The following NOX4 variants were observed in gnomAD, a reference collection of about 807,000 sequenced individuals.
The protein encoded by NOX4 is kidney oxidase-1.
NOX4 carries 69 observed loss-of-function variants against 87.6 expected under a neutral mutation model. The observed-to-expected ratio is 0.79, with a 90% CI of 0.65 to 0.96. NOX4 has a LOEUF of 0.96. NOX4 is among the 40% of genes least tolerant of loss of function. NOX4 has a pLI of 0.00. For missense variants in NOX4, 680 were observed against 681.5 expected, an observed-to-expected ratio of 1.00 and a Z score of 0.02; for synonymous variants, 275 against 238.2, an observed-to-expected ratio of 1.15 and a Z score of -1.42.
intron 13 of NOX4, among the ~76,000 whole-genome samples, chr11:89,353,164 A>G (rs902901433): frequency 1.3e-5 from 2 of 152,338 alleles, no homozygotes; most frequent in Non-Finnish European, 2.9e-5. Flanking sequence ...CTGAAATGAC[A>G]ATTTACTTGA....
rs573143532 is a variant in NOX4 at position 89,375,584 on chromosome 11, AG to A, written c.1075-2093del. The stretch of plus-strand genomic sequence containing the variant: ...CAACCTCCCAAACTGCTGAGATTAC[AG>A]GCATGAGCTACCACACCCAGCCCAC... On this transcript the variant is annotated intron_variant, in intron 11 of 17. Transcript: ENST00000263317. Among the ~76,000 whole-genome samples, 179 of 152,360 alleles carry A rather than the reference AG, an allele frequency of 1.2e-3. 1 individual carries two copies. Among genetic ancestry groups the A allele is most frequent in the African/African-American group, 3.8e-3 (160 of 41,586 alleles).
At chr11:89,444,466 AACAC>A (rs59319897) in intron 4 of NOX4, among the ~76,000 whole-genome samples, 16,360 of 146,936 alleles carry the variant, frequency 0.11, 1,094 homozygotes, top group Non-Finnish European at 0.17. Flanking sequence ...GGATAAGAGA[AACAC>A]ACACACACAC....
At chr11:89,551,852 G>C in the NOX4 span, among the ~76,000 whole-genome samples, 1 of 151,916 alleles carries the variant, frequency 6.6e-6, no homozygotes, top group Admixed American at 6.6e-5. Context: ...GTAAGAGAGG[G>C]CATCCTTGTC....
At chr11:89,435,702 A>G (rs1011318730) in intron 6 of NOX4, among the ~76,000 whole-genome samples, 1 of 152,144 alleles carries the variant, frequency 6.6e-6, no homozygotes, top group Non-Finnish European at 1.5e-5. Context: ...AGGATAAAAT[A>G]GAAGGGCCAG....
chr11:89,562,465 T>C, the NOX4 span, among the ~76,000 whole-genome samples: 1 of 151,986 alleles, frequency 6.6e-6, no homozygotes, highest in Non-Finnish European at 1.5e-5. Flanking sequence ...CTGATTCCGA[T>C]ATAAGTAACC....
chr11:89,556,208 A>G, the NOX4 span, among the ~76,000 whole-genome samples: 1 of 152,152 alleles, frequency 6.6e-6, no homozygotes, highest in African/African-American at 2.4e-5. Flanking sequence ...TGGGCAAATA[A>G]GTATAATCAC....
chr11:89,432,914 A>T, intron 6 of NOX4, 58 bp from the exon 7 acceptor site: 1 of 1,156,392 alleles, frequency 8.6e-7, no homozygotes. Context: ...AAAAATACAA[A>T]AAATGATTAT....
At chr11:89,354,552 A>ATC (rs1937854345) in intron 13 of NOX4, among the ~76,000 whole-genome samples, 1 of 152,206 alleles carries the variant, frequency 6.6e-6, no homozygotes. Flanking sequence ...CAAAAATCAT[A>ATC]TCTAGCCCAC....
intron 14 of NOX4, among the ~76,000 whole-genome samples, chr11:89,341,281 C>A (rs550029844): frequency 1.3e-5 from 2 of 151,684 alleles, no homozygotes; most frequent in Admixed American, 6.6e-5. Flanking sequence ...CAAAACCACG[C>A]CTGGTTGATT....
chr11:89,358,664 T>G (rs1938275912), intron 12 of NOX4, among the ~76,000 whole-genome samples: 1 of 151,668 alleles, frequency 6.6e-6, no homozygotes, highest in Non-Finnish European at 1.5e-5. Context: ...TTCTTTAGTC[T>G]CACAGATTTT....
At chr11:89,364,872 G>A (rs1447456326) in intron 12 of NOX4, among the ~76,000 whole-genome samples, 2 of 152,014 alleles carry the variant, frequency 1.3e-5, no homozygotes, top group Non-Finnish European at 2.9e-5. Context: ...CTGTAGACAA[G>A]GAAACTAAAA....
chr11:89,450,364 A>G (rs1175390503), intron 3 of NOX4, among the ~76,000 whole-genome samples: 1 of 152,006 alleles, frequency 6.6e-6, no homozygotes, highest in Non-Finnish European at 1.5e-5. Context: ...CAAGTTAACA[A>G]CTCCTTTTAA....
At chr11:89,533,249 A>G in the NOX4 span, among the ~76,000 whole-genome samples, 2 of 152,314 alleles carry the variant, frequency 1.3e-5, no homozygotes. Context: ...TGACATGCTC[A>G]TGCACTTGAA....
At chr11:89,362,266 C>T (rs1413192823) in intron 12 of NOX4, among the ~76,000 whole-genome samples, 1 of 151,986 alleles carries the variant, frequency 6.6e-6, no homozygotes, top group Non-Finnish European at 1.5e-5. Context: ...AGAACTTCTA[C>T]CAAGTTCTCG....
At chr11:89,575,933 A>T in the NOX4 span, among the ~76,000 whole-genome samples, 1 of 152,206 alleles carries the variant, frequency 6.6e-6, no homozygotes. Flanking sequence ...AATTATTAGA[A>T]AAGTGATGTT....
intron 12 of NOX4, among the ~76,000 whole-genome samples, chr11:89,355,630 A>G (rs1937987321): frequency 6.6e-6 from 1 of 152,096 alleles, no homozygotes. Context: ...GTAGCATTCA[A>G]TTGACAGAAA....
intron 6 of NOX4, among the ~76,000 whole-genome samples, chr11:89,435,502 T>C (rs1310766082): frequency 6.6e-6 from 1 of 152,122 alleles, no homozygotes; most frequent in Non-Finnish European, 1.5e-5. Context: ...AAAAATACTA[T>C]AACCATTCCT....
At chr11:89,541,928 C>A in the NOX4 span, among the ~76,000 whole-genome samples, 1 of 152,152 alleles carries the variant, frequency 6.6e-6, no homozygotes, top group Non-Finnish European at 1.5e-5. Flanking sequence ...ACCTCAGCCT[C>A]CCAAGTAGCA....
chr11:89,412,890 T>C (rs1942554044), intron 8 of NOX4, among the ~76,000 whole-genome samples: 1 of 152,000 alleles, frequency 6.6e-6, no homozygotes, highest in Non-Finnish European at 1.5e-5. Context: ...AGTAAAGATC[T>C]AACCCAAAGA....
Sources: allele counts gnomAD v4.1 joint callset (sites outside exome capture counted in the v4.1 genomes callset), GRCh38; gene constraint gnomAD v4.1.1; transcripts MANE v1.5; gene names NCBI Gene and HGNC (gene_info 2026-07-23, HGNC 2026-07-21).